Variants in FAM178B observed in about 807,000 individuals in gnomAD.
FAM178B encodes protein FAM178B.
In FAM178B, 82 loss-of-function variants were observed where a neutral mutation model predicts 91.7. The observed-to-expected ratio is 0.89, with a 90% CI of 0.75 to 1.07. The LOEUF (loss-of-function observed/expected upper bound fraction) is 1.07. FAM178B is among the 50% of genes least tolerant of loss of function. FAM178B has a pLI of 0.00. For synonymous variants in FAM178B, 368 were observed against 359.4 expected, an observed-to-expected ratio of 1.02 and a Z score of -0.27; for missense variants, 769 against 846.7, an observed-to-expected ratio of 0.91 and a Z score of 1.14.
chr2:96,956,324 G>A (rs2081999227), intron 6 of FAM178B, among the ~76,000 whole-genome samples: 1 of 152,344 alleles, frequency 6.6e-6, no homozygotes, highest in Middle Eastern at 3.4e-3. Flanking sequence ...GGGATGCACA[G>A]CTAGCTTGGT....
chr2:96,957,710 C>A (rs1347639964), intron 6 of FAM178B, among the ~76,000 whole-genome samples: 2 of 152,224 alleles, frequency 1.3e-5, no homozygotes, highest in Admixed American at 1.3e-4. Context: ...TCAGTTCCTG[C>A]CCAGACATTC....
chr2:96,984,852 T>G (rs1048778201), intron 1 of FAM178B, among the ~76,000 whole-genome samples: 2 of 152,152 alleles, frequency 1.3e-5, no homozygotes, highest in South Asian at 4.1e-4. Flanking sequence ...TGGGTCATCT[T>G]CTCTGCCTGC....
intron 8 of FAM178B, among the ~76,000 whole-genome samples, chr2:96,932,398 G>A (rs1317731425): frequency 6.6e-6 from 1 of 152,206 alleles, no homozygotes; most frequent in Non-Finnish European, 1.5e-5. Context: ...CAGCCGTGGA[G>A]GCTGGTGACT....
At chr2:96,894,115 G>A (rs1210461691) in intron 13 of FAM178B, 64 bp from the exon 14 acceptor site, 12 of 1,540,320 alleles carry the variant, frequency 7.8e-6, no homozygotes, top group South Asian at 3.6e-5. Context: ...GGGTGCTCCC[G>A]GGAATCGGCC....
At chr2:96,959,938 T>G (rs2082056703) in intron 6 of FAM178B, among the ~76,000 whole-genome samples, 2 of 152,190 alleles carry the variant, frequency 1.3e-5, no homozygotes, top group South Asian at 2.1e-4. Flanking sequence ...GTGCCCTCGA[T>G]GGCCCAGGAA....
Position 96,986,428 on chromosome 2 carries a change from C to G in FAM178B, c.-115G>C. ...GCAGGAGCAGGCTCCCCAGGCGGCG[C>G]AGTGGGAGGACCCCAAGAGTTGCGT... On this transcript the variant is annotated 5_prime_UTR_variant, in exon 1 of 17. Coordinates refer to ENST00000490605, the MANE Select transcript of FAM178B (RefSeq NM_001122646.3). 1 of 1,284,596 alleles carries G rather than the reference C, an allele frequency of 7.8e-7. No individual in the cohort carries two copies. The allele number at this position is 1,284,596 out of a possible 1,614,324, so 79.6% of individuals were successfully genotyped here.
At chr2:96,924,581 A>G (rs2081403174) in intron 9 of FAM178B, among the ~76,000 whole-genome samples, 1 of 152,214 alleles carries the variant, frequency 6.6e-6, no homozygotes, top group South Asian at 2.1e-4. Flanking sequence ...TGGCAGTCTC[A>G]TCACCCTTTC....
chr2:96,924,248 C>T (rs539519599), intron 9 of FAM178B, among the ~76,000 whole-genome samples: 15 of 152,170 alleles, frequency 9.9e-5, no homozygotes, highest in Non-Finnish European at 2.2e-4. Context: ...TGGGTCCGTT[C>T]GACAAGGGTG....
rs2081717099 is a variant in FAM178B at position 96,940,824 on chromosome 2, GT to G, written c.1078+6993del. On this transcript the variant is annotated intron_variant, in intron 8 of 16. Transcript: ENST00000490605. ...AATGTATTCAGTTATGCCTCAATAA[GT>G]TTTTTTAAAGACGGATGAGCTAAAA... 1.1e-4 allele frequency among the ~76,000 whole-genome samples: 17 copies of G among 152,294 alleles called. No homozygotes were observed. The South Asian group carries it at 3.5e-3, about 32-fold the overall frequency.
chr2:96,951,649 G>A, intron 6 of FAM178B, 165 bp from the exon 7 acceptor site: 2 of 605,040 alleles, frequency 3.3e-6, no homozygotes, highest in Non-Finnish European at 3.0e-6. Context: ...TGATCTGTCA[G>A]AAGGAAAAGA....
chr2:96,898,104 T>C, intron 13 of FAM178B: 1 of 985,716 alleles, frequency 1.0e-6, no homozygotes, highest in Non-Finnish European at 1.2e-6. Context: ...GGTCCTCTGC[T>C]CCTACACCAG....
intron 1 of FAM178B, among the ~76,000 whole-genome samples, chr2:96,981,587 A>G (rs1241803806): frequency 6.6e-6 from 1 of 151,818 alleles, no homozygotes; most frequent in Admixed American, 6.6e-5. Context: ...CATCTCTACT[A>G]AAAATCAGCC....
intron 1 of FAM178B, among the ~76,000 whole-genome samples, chr2:96,974,850 G>A (rs1046121794): frequency 2.0e-5 from 3 of 152,110 alleles, no homozygotes; most frequent in Admixed American, 1.3e-4. Context: ...AGCACTTTGG[G>A]AGGCCGAGGC....
chr2:96,901,946 C>T (rs1363632421), intron 13 of FAM178B, among the ~76,000 whole-genome samples: 1 of 152,022 alleles, frequency 6.6e-6, no homozygotes, highest in African/African-American at 2.4e-5. Context: ...TACAGGTGCC[C>T]GCCACCATGC....
rs150865127 is a variant in FAM178B, at chr2:96,898,290, G to A, written c.1651-4239C>T. Among the ~76,000 whole-genome samples, 293 of 152,308 alleles carry A rather than the reference G, an allele frequency of 1.9e-3. 1 individual carries two copies. Among genetic ancestry groups the A allele is most frequent in the African/African-American group, 6.7e-3 (280 of 41,566 alleles). On this transcript the variant is annotated intron_variant, in intron 13 of 16. Coordinates refer to ENST00000490605, the MANE Select transcript of FAM178B (RefSeq NM_001122646.3). Reference sequence around the variant, plus strand: ...CCATGAAGTGGCGGGTGTGGTCCAGGATGTCCAGAGGCAAGGAGAGAGCTG... The same window carrying A: ...CCATGAAGTGGCGGGTGTGGTCCAGAATGTCCAGAGGCAAGGAGAGAGCTG...
chr2:96,965,848 A>T (rs1257015), intron 5 of FAM178B, among the ~76,000 whole-genome samples: 122,565 of 151,950 alleles, frequency 0.81, 50,765 homozygotes, highest in Non-Finnish European at 0.88. Context: ...GTCCTCTCTT[A>T]CTCCTAGACC....
At chr2:96,944,241 C>CAAAAAAA (rs397868752) in intron 8 of FAM178B, among the ~76,000 whole-genome samples, 1 of 56,952 alleles carries the variant, frequency 1.8e-5, no homozygotes, top group African/African-American at 5.1e-5. Context: ...GACTCCATCT[C>CAAAAAAA]AAAAAAAAAA....
chr2:96,895,225 A>G (rs79049408), intron 13 of FAM178B: 4 of 640,764 alleles, frequency 6.2e-6, no homozygotes, highest in South Asian at 3.5e-5. Flanking sequence ...TTTCCCCCCA[A>G]TCTAATCATA....
chr2:96,896,720 C>A (rs1384170605), intron 13 of FAM178B, among the ~76,000 whole-genome samples: 1 of 152,166 alleles, frequency 6.6e-6, no homozygotes, highest in Non-Finnish European at 1.5e-5. Context: ...TAAGTGTCTG[C>A]AAAGACCCAA....
Sources: allele counts gnomAD v4.1 joint callset (sites outside exome capture counted in the v4.1 genomes callset), GRCh38; gene constraint gnomAD v4.1.1; transcripts MANE v1.5; gene names NCBI Gene and HGNC (gene_info 2026-07-23, HGNC 2026-07-21).